The following ST8SIA6 variants were observed in gnomAD, a reference collection of about 807,000 sequenced individuals.
The protein encoded by ST8SIA6 is alpha-2,8-sialyltransferase 8F.
Under a neutral mutation model 33.6 loss-of-function variants are expected in ST8SIA6, and 39 were observed. That is an observed-to-expected ratio of 1.16 (90% confidence interval 0.90 to 1.52). The LOEUF (loss-of-function observed/expected upper bound fraction) is 1.52. Among genes scored for constraint, ST8SIA6 ranks in the 40% most tolerant of loss-of-function variants. The pLI is 0.00. For synonymous variants in ST8SIA6, 172 were observed against 167.2 expected, an observed-to-expected ratio of 1.03 and a Z score of -0.22; for missense variants, 441 against 443.8, an observed-to-expected ratio of 0.99 and a Z score of 0.06.
intron 2 of ST8SIA6, among the ~76,000 whole-genome samples, chr10:17,447,626 G>GATAAATTCCAAGCA (rs1352410302): frequency 2.6e-5 from 4 of 152,030 alleles, no homozygotes; most frequent in African/African-American, 9.7e-5. Flanking sequence ...CATTTAAAAT[G>GATAAATTCCAAGCA]ATAAATTCCA....
intron 3 of ST8SIA6, among the ~76,000 whole-genome samples, chr10:17,389,163 C>T (rs1850488081): frequency 6.6e-6 from 1 of 152,150 alleles, no homozygotes; most frequent in Non-Finnish European, 1.5e-5. Flanking sequence ...ACTGCCCAAG[C>T]GCCTACCCTC....
intron 2 of ST8SIA6, among the ~76,000 whole-genome samples, chr10:17,427,028 C>G (rs182561586): frequency 2.5e-4 from 38 of 151,584 alleles, no homozygotes; most frequent in Admixed American, 2.4e-3. Flanking sequence ...TAGCTTGAAC[C>G]CGGAGGCGGA....
chr10:17,428,940 C>T (rs544493803), intron 2 of ST8SIA6, among the ~76,000 whole-genome samples: 4 of 152,200 alleles, frequency 2.6e-5, no homozygotes, highest in African/African-American at 4.8e-5. Context: ...GGGGGTTGAA[C>T]GCTGTCAACA....
intron 2 of ST8SIA6, among the ~76,000 whole-genome samples, chr10:17,414,277 G>T (rs1352290159): frequency 1.3e-5 from 2 of 152,108 alleles, no homozygotes; most frequent in African/African-American, 4.8e-5. Context: ...AGGATACCTG[G>T]CAGTCCTACT....
At chr10:17,382,129 C>T (rs413908) in intron 3 of ST8SIA6, among the ~76,000 whole-genome samples, 5 of 151,824 alleles carry the variant, frequency 3.3e-5, no homozygotes, top group Admixed American at 1.3e-4. Flanking sequence ...TAAATAATTA[C>T]GTAAATGTAA....
At chr10:17,403,271 A>G (rs1184926978) in intron 2 of ST8SIA6, among the ~76,000 whole-genome samples, 4 of 152,370 alleles carry the variant, frequency 2.6e-5, no homozygotes, top group East Asian at 1.9e-4. Context: ...TCAGTGTGCA[A>G]AAGTGGGACC....
intron 2 of ST8SIA6, among the ~76,000 whole-genome samples, chr10:17,399,734 T>C (rs578175244): frequency 1.8e-4 from 28 of 151,790 alleles, no homozygotes; most frequent in African/African-American, 6.8e-4. Flanking sequence ...CTGGGTAACA[T>C]AGTGAGACTC....
intron 3 of ST8SIA6, among the ~76,000 whole-genome samples, chr10:17,366,720 G>A (rs1421778005): frequency 6.6e-6 from 1 of 152,136 alleles, no homozygotes; most frequent in Non-Finnish European, 1.5e-5. Flanking sequence ...TGTGATTGTA[G>A]GTGAAGACAA....
chr10:17,392,468 A>G (rs908792666), intron 2 of ST8SIA6, among the ~76,000 whole-genome samples: 1 of 152,194 alleles, frequency 6.6e-6, no homozygotes, highest in African/African-American at 2.4e-5. Context: ...CCAAGGCCTC[A>G]GTGACCATGA....
intron 4 of ST8SIA6, among the ~76,000 whole-genome samples, chr10:17,352,212 A>C (rs1029070055): frequency 6.6e-6 from 1 of 152,150 alleles, no homozygotes; most frequent in Non-Finnish European, 1.5e-5. Flanking sequence ...AATAAGTAAA[A>C]CTCTTCAAAA....
intron 2 of ST8SIA6, among the ~76,000 whole-genome samples, chr10:17,449,798 G>A (rs1852845257): frequency 6.6e-6 from 1 of 152,110 alleles, no homozygotes; most frequent in Non-Finnish European, 1.5e-5. Context: ...AGTAGGAGCA[G>A]AAGAGCAAAA....
intron 4 of ST8SIA6, among the ~76,000 whole-genome samples, chr10:17,345,496 G>A (rs1378268450): frequency 1.3e-5 from 2 of 152,148 alleles, no homozygotes; most frequent in Non-Finnish European, 2.9e-5. Flanking sequence ...AACTAGCCAG[G>A]TGAGGCAGGA....
At chr10:17,437,872 A>G (rs1425192615) in intron 2 of ST8SIA6, among the ~76,000 whole-genome samples, 2 of 152,198 alleles carry the variant, frequency 1.3e-5, no homozygotes, top group East Asian at 3.9e-4. Context: ...CTGGGACTAC[A>G]GGTGGGCACC....
In ST8SIA6 at chr10:17,319,272, T is replaced by G. The variant is rs1847867739; in HGVS notation, c.*1606A>C. On this transcript the variant is annotated 3_prime_UTR_variant, in exon 8 of 8. Transcript: ENST00000377602. The stretch of plus-strand genomic sequence containing the variant: ...TGCAAGTTTTTCACCAAGATCAAAA[T>G]AAAAAGAAAAACTATGAACACTATT... 6.6e-6 allele frequency among the ~76,000 whole-genome samples: 1 copy of G among 152,100 alleles called. No individual in the cohort carries two copies. Among genetic ancestry groups the G allele is most frequent in the Admixed American group, 6.6e-5 (1 of 15,254 alleles).
rs770533499 is a variant in ST8SIA6, at chr10:17,390,567, T to C, written c.254A>G (p.Gln85Arg). ...LQLTEKCKNL[Q>R]YGIESFSNKT... is the part of the protein sequence containing the mutation. ...GTTAGAGAAAGACTCAATGCCATATTGCAGATTTTTGCATTTCTCCGTCAG... is the reference window on the plus strand; with the variant it reads ...GTTAGAGAAAGACTCAATGCCATATCGCAGATTTTTGCATTTCTCCGTCAG... The change falls in exon 3 of 8, where the codon CAA becomes CGA. Residue 85 changes from glutamine to arginine, a missense_variant. Transcript: ENST00000377602. The C allele has an allele frequency of 1.9e-6, 3 of 1,614,014 alleles. No individual in the cohort carries two copies. The African/African-American group carries it at 4.0e-5, about 22-fold the overall frequency.
At chr10:17,410,969 G>C (rs529348125) in intron 2 of ST8SIA6, among the ~76,000 whole-genome samples, 1 of 152,236 alleles carries the variant, frequency 6.6e-6, no homozygotes, top group Non-Finnish European at 1.5e-5. Flanking sequence ...GGTTAGCAGA[G>C]CATCCCAAGG....
Position 17,448,940 on chromosome 10 carries a change from C to T in ST8SIA6, c.200+4619G>A, listed in dbSNP as rs537789438. Among the ~76,000 whole-genome samples, 11 of 150,846 alleles carry T rather than the reference C, an allele frequency of 7.3e-5. No homozygotes were observed. The South Asian group carries it at 2.3e-3, about 31-fold the overall frequency. On this transcript the variant is annotated intron_variant, in intron 2 of 7. Coordinates refer to ENST00000377602, the MANE Select transcript of ST8SIA6 (RefSeq NM_001004470.3). ...CGGCCGGCAGGGTTTTATTGAGCTT[C>T]TTTCATAATCAAAATGAAATTAATA...
intron 4 of ST8SIA6, among the ~76,000 whole-genome samples, chr10:17,350,944 T>C (rs764851640): frequency 1.2e-4 from 19 of 152,146 alleles, no homozygotes; most frequent in Non-Finnish European, 2.6e-4. Flanking sequence ...AAGTCAGACA[T>C]CAGTGATTGC....
intron 2 of ST8SIA6, among the ~76,000 whole-genome samples, chr10:17,435,273 A>G (rs1852216374): frequency 6.6e-6 from 1 of 152,128 alleles, no homozygotes; most frequent in South Asian, 2.1e-4. Flanking sequence ...AGCCTGTCAT[A>G]TGTGCTCACC....
Sources: gnomAD v4.1 joint callset for allele counts (sites outside exome capture counted in the v4.1 genomes callset) on GRCh38, gnomAD v4.1.1 for gene constraint, MANE v1.5 for transcripts, NCBI Gene and HGNC (gene_info 2026-07-23, HGNC 2026-07-21) for gene names.